DNAH5: variants seen among roughly 807,000 people sequenced by gnomAD.
The protein encoded by DNAH5 is axonemal beta dynein heavy chain 5.
DNAH5 carries 372 observed loss-of-function variants against 518.2 expected under a neutral mutation model. That is an observed-to-expected ratio of 0.72 (90% CI 0.66 to 0.78). The LOEUF is 0.78. DNAH5 is among the 30% of genes least tolerant of loss of function. The pLI, the probability that DNAH5 is intolerant of heterozygous loss-of-function variation, is 0.00. For synonymous variants in DNAH5, 2,039 were observed against 2,025.9 expected (o/e 1.01, Z -0.17); for missense variants, 5,523 against 5,687.0 (o/e 0.97, Z 0.93).
intron 1 of DNAH5, among the ~76,000 whole-genome samples, chr5:13,955,757 C>T (rs1780724242): frequency 1.3e-5 from 2 of 152,076 alleles, no homozygotes. Flanking sequence ...CATTTTAAAT[C>T]ACAAAAGTTT....
In DNAH5 at chr5:13,763,105, A is replaced by G. The variant is rs191053769; in HGVS notation, c.10102-204T>C. On this transcript the variant is annotated intron_variant, in intron 59 of 78. Coordinates refer to ENST00000265104, the MANE Select transcript of DNAH5 (RefSeq NM_001369.3). ...TGACAGCAAAGAAGTCTGTTAGAGT[A>G]CACTTTGTCTTCTGTAGAAAAGATA... is the stretch of plus-strand genomic sequence containing the variant. Among the ~76,000 whole-genome samples, 6 of 152,338 alleles carry G rather than the reference A, an allele frequency of 3.9e-5. No individual in the cohort carries two copies. The East Asian group carries it at 9.7e-4, about 25-fold the overall frequency.
At chr5:13,873,610 T>C (rs552446863) in intron 22 of DNAH5, among the ~76,000 whole-genome samples, 9 of 152,076 alleles carry the variant, frequency 5.9e-5, no homozygotes, top group East Asian at 1.9e-4. Context: ...TGGCAGACAA[T>C]TGTATCATCT....
chr5:13,885,896 A>G, intron 18 of DNAH5, 68 bp downstream of exon 18: 1 of 1,412,824 alleles, frequency 7.1e-7, no homozygotes, highest in African/African-American at 1.4e-5. Context: ...TGGTATGTAG[A>G]AAATGCAGTT....
At position 13,700,052 on chromosome 5, in the gene DNAH5, A is replaced by G. The variant is rs542756249; in HGVS notation, c.13723+588T>C. The stretch of plus-strand genomic sequence containing the variant: ...CACGTGTGTACTTCACAGAAGTGTT[A>G]TTACATTCAAAGACTGAAGTAAGAA... On this transcript the variant is annotated intron_variant, in intron 78 of 78. Transcript: ENST00000265104. 2.6e-5 allele frequency among the ~76,000 whole-genome samples: 4 copies of G among 152,344 alleles called. No homozygotes were observed. In the South Asian group the frequency reaches 8.3e-4, roughly 32 times the overall value.
intron 76 of DNAH5, among the ~76,000 whole-genome samples, chr5:13,703,371 T>C (rs1158328194): frequency 2.7e-5 from 4 of 147,972 alleles, no homozygotes; most frequent in African/African-American, 1.0e-4. Context: ...ATAAGGAAAC[T>C]GAGGCACAAC....
At chr5:13,796,323 CCTT>C (rs1482487474) in intron 47 of DNAH5, among the ~76,000 whole-genome samples, 1 of 152,150 alleles carries the variant, frequency 6.6e-6, no homozygotes, top group African/African-American at 2.4e-5. Context: ...CCCAAAATCT[CCTT>C]AAGCTGATAA....
chr5:13,932,008 A>G (rs1530495), intron 1 of DNAH5: 62,322 of 152,148 alleles, frequency 0.41, 14,396 homozygotes, highest in East Asian at 0.7. Flanking sequence ...GTAGACGTTC[A>G]GCTTCCAATT....
chr5:13,844,168 A>T (rs1304671860), intron 32 of DNAH5, among the ~76,000 whole-genome samples: 1 of 152,234 alleles, frequency 6.6e-6, no homozygotes, highest in African/African-American at 2.4e-5. Context: ...AGTGTTAAGC[A>T]TGACATCTGG....
chr5:13,917,816 C>A (rs944425529), intron 7 of DNAH5, among the ~76,000 whole-genome samples: 19 of 152,208 alleles, frequency 1.2e-4, no homozygotes, highest in Admixed American at 1.3e-4. Context: ...TATTTCTGAA[C>A]TGTATTGCAA....
Position 13,721,140 on chromosome 5 carries a change from A to T in DNAH5, c.12139T>A (p.Cys4047Ser), listed in dbSNP as rs1169787572. 1.9e-6 allele frequency: 3 copies of T among 1,614,036 alleles called. No individual in the cohort carries two copies. Among genetic ancestry groups the T allele is most frequent in the Non-Finnish European group, 2.5e-6 (3 of 1,180,008 alleles). The stretch of plus-strand genomic sequence containing the variant: ...GGGTCTGAGCCCATAGACAGGAGAC[A>T]GATGAGTGGCGTCCGTGGATCAGAT... ...EESDPRTPLICLLSMGSDPTD... is the reference protein window; with the variant it reads ...EESDPRTPLISLLSMGSDPTD... Residue 4047 changes from cysteine to serine, a missense_variant, in exon 71 of 79, where the codon TGT becomes AGT. Physicochemically the swap from Cys to Ser is moderately radical, Grantham distance 112. This residue lies in a region of DNAH5 where 5,121 missense variants were observed against 5,223.3 expected (regional missense o/e 0.98). Transcript: ENST00000265104.
intron 21 of DNAH5, among the ~76,000 whole-genome samples, chr5:13,878,604 C>T (rs552828891): frequency 6.6e-5 from 10 of 152,294 alleles, no homozygotes; most frequent in African/African-American, 1.4e-4. Context: ...GAAGGAGCTA[C>T]GACACGCACC....
In DNAH5 at chr5:13,847,377, A is replaced by T. The variant is rs369120746; in HGVS notation, c.5115-2384T>A. ...TCTGCAGGGGTTATAAAATAATGCC[A>T]AAATGTTGGGTGACAGAATAGAATA... On this transcript the variant is annotated intron_variant, in intron 31 of 78. Transcript: ENST00000265104. 5.9e-5 allele frequency among the ~76,000 whole-genome samples: 9 copies of T among 152,104 alleles called. No individual in the cohort carries two copies. In the East Asian group the frequency reaches 1.5e-3, roughly 26 times the overall value.
At chr5:13,831,766 C>T (rs1243924832) in intron 35 of DNAH5, among the ~76,000 whole-genome samples, 2 of 152,196 alleles carry the variant, frequency 1.3e-5, no homozygotes, top group Non-Finnish European at 2.9e-5. Flanking sequence ...ATTATTTCTC[C>T]TGTTGCATTT....
chr5:13,734,017 A>G (rs1176697737), intron 68 of DNAH5, among the ~76,000 whole-genome samples: 2 of 152,098 alleles, frequency 1.3e-5, no homozygotes, highest in African/African-American at 2.4e-5. Flanking sequence ...CCCAAAACTC[A>G]TATGTTGAAA....
At chr5:14,008,794 G>C (rs1561079306) in intron 1 of DNAH5, among the ~76,000 whole-genome samples, 3 of 152,214 alleles carry the variant, frequency 2.0e-5, no homozygotes, top group Admixed American at 6.5e-5. Flanking sequence ...GAATTGAACT[G>C]AACTGCCCAG....
intron 12 of DNAH5, among the ~76,000 whole-genome samples, chr5:13,910,240 C>T (rs773803350): frequency 2.1e-4 from 32 of 152,202 alleles, no homozygotes; most frequent in Non-Finnish European, 1.9e-4. Context: ...CCAACTCCAC[C>T]CCTTGTTATG....
chr5:13,876,673 T>C lies in DNAH5; in HGVS notation c.3396+11A>G. 1.2e-6 allele frequency: 2 copies of C among 1,613,028 alleles called. No homozygotes were observed. On this transcript the variant is annotated intron_variant, in intron 22 of 78. Transcript: ENST00000265104. ...AGCAAAAGGTCCGGCTGCCAGACCC[T>C]CTTGACATACCTTTTTGGTGGAGTT... is the stretch of plus-strand genomic sequence containing the variant.
intron 47 of DNAH5, among the ~76,000 whole-genome samples, chr5:13,800,043 T>A (rs1427267573): frequency 6.6e-6 from 1 of 152,194 alleles, no homozygotes; most frequent in African/African-American, 2.4e-5. Flanking sequence ...AATCTGGTAG[T>A]GTGCTGAAAA....
chr5:13,923,195 A>C (rs1407735636), intron 4 of DNAH5, 85 bp downstream of exon 4: 1 of 1,557,784 alleles, frequency 6.4e-7, no homozygotes, highest in South Asian at 1.1e-5. Flanking sequence ...AGTGAATACA[A>C]TGATTGTCTC....
Sources: allele counts gnomAD v4.1 joint callset (sites outside exome capture counted in the v4.1 genomes callset), GRCh38; gene constraint gnomAD v4.1.1; regional missense constraint gnomAD v4.1.1; transcripts MANE v1.5; gene names NCBI Gene and HGNC (gene_info 2026-07-23, HGNC 2026-07-21).